Variants in STXBP5L observed in about 807,000 individuals in gnomAD.
STXBP5L encodes the protein syntaxin binding protein 5L.
In STXBP5L, 65 loss-of-function variants were observed where a neutral mutation model predicts 144.5. That is an observed-to-expected ratio of 0.45 (90% confidence interval 0.37 to 0.55). The LOEUF is 0.55. STXBP5L is among the 20% of genes least tolerant of loss of function. The pLI is 0.00. For missense variants in STXBP5L, 1,298 were observed against 1,405.5 expected (o/e 0.92, Z 1.22); for synonymous variants, 505 against 469.6 (o/e 1.08, Z -0.97).
At chr3:121,269,111 A>T (rs925616939) in intron 18 of STXBP5L, among the ~76,000 whole-genome samples, 1 of 152,150 alleles carries the variant, frequency 6.6e-6, no homozygotes, top group Non-Finnish European at 1.5e-5. Context: ...GCAGCATTTC[A>T]GTATCTGGAC....
intron 5 of STXBP5L, among the ~76,000 whole-genome samples, chr3:121,086,662 C>T (rs947594197): frequency 6.6e-6 from 1 of 152,008 alleles, no homozygotes; most frequent in African/African-American, 2.4e-5. Context: ...ATTATTCCTA[C>T]CAGGTGAGCA....
At chr3:121,118,184 G>A (rs1481689025) in intron 6 of STXBP5L, among the ~76,000 whole-genome samples, 1 of 151,578 alleles carries the variant, frequency 6.6e-6, no homozygotes, top group Admixed American at 6.6e-5. Flanking sequence ...CCAGTTTAAT[G>A]GAGGCAAAGT....
chr3:121,157,673 C>A, intron 9 of STXBP5L, 46 bp downstream of exon 9: 2 of 1,566,906 alleles, frequency 1.3e-6, no homozygotes, highest in Non-Finnish European at 1.7e-6. Context: ...CAATTCAGTG[C>A]CTTGACTTGA....
chr3:120,953,975 G>A (rs1937738806), intron 2 of STXBP5L, among the ~76,000 whole-genome samples: 1 of 152,020 alleles, frequency 6.6e-6, no homozygotes, highest in Non-Finnish European at 1.5e-5. Flanking sequence ...GTATAAGGCA[G>A]GAACAGAAAG....
chr3:121,046,049 A>C (rs1326544889), intron 5 of STXBP5L, among the ~76,000 whole-genome samples: 5 of 151,990 alleles, frequency 3.3e-5, no homozygotes, highest in Non-Finnish European at 5.9e-5. Flanking sequence ...TTTAATGTCT[A>C]GTTTGTTGAG....
chr3:121,187,537 A>G (rs2047442135), intron 9 of STXBP5L, among the ~76,000 whole-genome samples: 4 of 151,878 alleles, frequency 2.6e-5, no homozygotes. Flanking sequence ...GTGCACATGT[A>G]CCCTAAAACT....
intron 12 of STXBP5L, 77 bp downstream of exon 12, chr3:121,233,765 G>A: frequency 1.8e-6 from 2 of 1,126,768 alleles, no homozygotes; most frequent in South Asian, 1.6e-5. Context: ...TCTTTTGATA[G>A]GAAGTATTCT....
At chr3:121,278,908 GTGT>G (rs1018458908) in intron 18 of STXBP5L, among the ~76,000 whole-genome samples, 25 of 151,516 alleles carry the variant, frequency 1.6e-4, no homozygotes, top group African/African-American at 6.0e-4. Flanking sequence ...ATGGGTAGAA[GTGT>G]TGTTGTTGTT....
intron 20 of STXBP5L, among the ~76,000 whole-genome samples, chr3:121,378,507 A>C (rs1158491564): frequency 6.6e-6 from 1 of 152,228 alleles, no homozygotes; most frequent in Non-Finnish European, 1.5e-5. Flanking sequence ...AAAAAAATGA[A>C]TCTTATACTT....
At chr3:121,043,581 C>T (rs553363282) in intron 4 of STXBP5L, among the ~76,000 whole-genome samples, 1 of 152,198 alleles carries the variant, frequency 6.6e-6, no homozygotes, top group East Asian at 1.9e-4. Context: ...TGGTTGCACA[C>T]ACCTGTAGTC....
intron 5 of STXBP5L, among the ~76,000 whole-genome samples, chr3:121,063,526 TG>T (rs1463048415): frequency 1.3e-5 from 2 of 152,196 alleles, no homozygotes; most frequent in East Asian, 3.9e-4. Flanking sequence ...TTGAGCACTG[TG>T]CTGGGAGATC....
Position 121,215,017 on chromosome 3 carries a change from T to C in STXBP5L, c.957-7986T>C, listed in dbSNP as rs1025128163. Among the ~76,000 whole-genome samples, 8 of 152,244 alleles carry C rather than the reference T, an allele frequency of 5.3e-5. No individual in the cohort carries two copies. In the East Asian group the frequency reaches 9.7e-4, roughly 18 times the overall value. On this transcript the variant is annotated intron_variant, in intron 10 of 26. Coordinates refer to ENST00000471454, the MANE Select transcript of STXBP5L (RefSeq NM_001308330.2). ...AAGACTGTTTTATCAGAGATTAGGA[T>C]TGCAACCCCTGCTTTTTTTTTTCTT...
intron 3 of STXBP5L, among the ~76,000 whole-genome samples, chr3:121,002,393 A>G (rs1943858145): frequency 6.6e-6 from 1 of 152,094 alleles, no homozygotes; most frequent in Non-Finnish European, 1.5e-5. Flanking sequence ...CCATTTTAAA[A>G]TTTGAGGGTT....
At chr3:120,966,748 G>A (rs1939628070) in intron 3 of STXBP5L, among the ~76,000 whole-genome samples, 1 of 152,160 alleles carries the variant, frequency 6.6e-6, no homozygotes, top group Admixed American at 6.5e-5. Context: ...TAGGCTACAA[G>A]GGGGTCAGGG....
At chr3:121,382,919 T>C (rs537485895) in intron 22 of STXBP5L, among the ~76,000 whole-genome samples, 8 of 152,156 alleles carry the variant, frequency 5.3e-5, no homozygotes, top group Non-Finnish European at 1.2e-4. Context: ...TAAGATTTAA[T>C]GGGAAGCTAT....
chr3:121,167,677 C>G (rs1406291739), intron 9 of STXBP5L, among the ~76,000 whole-genome samples: 1 of 152,194 alleles, frequency 6.6e-6, no homozygotes, highest in Admixed American at 6.5e-5. Context: ...GACAGCAGCC[C>G]CAGTCAGGGG....
chr3:121,398,660 G>A (rs570453878), intron 22 of STXBP5L, among the ~76,000 whole-genome samples: 1 of 152,220 alleles, frequency 6.6e-6, no homozygotes, highest in East Asian at 1.9e-4. Context: ...GTTAAAACAA[G>A]CCCCAGGAAA....
At chr3:120,986,219 T>G (rs535983455) in intron 3 of STXBP5L, among the ~76,000 whole-genome samples, 2 of 152,126 alleles carry the variant, frequency 1.3e-5, no homozygotes, top group South Asian at 4.1e-4. Context: ...ATCTGTTGAT[T>G]TCTAACTTCA....
At chr3:121,418,957 T>C in intron 26 of STXBP5L, 99 bp from the exon 27 acceptor site, 1 of 1,269,684 alleles carries the variant, frequency 7.9e-7, no homozygotes, top group Non-Finnish European at 1.1e-6. Context: ...TGATTATAAG[T>C]TTTGAGATAG....
Sources: allele counts gnomAD v4.1 joint callset (sites outside exome capture counted in the v4.1 genomes callset), GRCh38; gene constraint gnomAD v4.1.1; transcripts MANE v1.5; gene names NCBI Gene and HGNC (gene_info 2026-07-23, HGNC 2026-07-21).